LINGO1: variants seen among roughly 807,000 people sequenced by gnomAD.
The protein encoded by LINGO1 is leucine rich repeat and Ig domain containing 1, also known as leucine-rich repeat and immunoglobulin-like domain-containing nogo receptor-interacting protein 1.
LINGO1 carries 11 observed loss-of-function variants against 37.3 expected under a neutral mutation model. That is an observed-to-expected ratio of 0.29 (90% CI 0.19 to 0.49). The LOEUF is 0.49. Ranked by LOEUF, LINGO1 falls within the 20% of genes least tolerant of loss-of-function variation. The pLI is 0.99. For synonymous variants in LINGO1, 387 were observed against 403.0 expected (o/e 0.96, Z 0.48); for missense variants, 585 against 878.2 (o/e 0.67, Z 4.22).
intron 1 of LINGO1, among the ~76,000 whole-genome samples, chr15:77,751,110 C>T (rs549008522): frequency 2.0e-4 from 30 of 152,286 alleles, no homozygotes; most frequent in Admixed American, 1.5e-3. Flanking sequence ...GGCACACCAC[C>T]GTGATTGTCA....
At chr15:77,686,657 G>A (rs980742608) in intron 2 of LINGO1, among the ~76,000 whole-genome samples, 2 of 152,180 alleles carry the variant, frequency 1.3e-5, no homozygotes, top group African/African-American at 4.8e-5. Flanking sequence ...TATGCTGGGA[G>A]AACACTTACC....
intron 1 of LINGO1, among the ~76,000 whole-genome samples, chr15:77,618,327 ACCAGT>A (rs1246439371): frequency 6.6e-6 from 1 of 152,142 alleles, no homozygotes; most frequent in East Asian, 1.9e-4. Context: ...CTCTTTTCCC[ACCAGT>A]CCCTGAGCAA....
rs527307736 is a variant in LINGO1 at position 77,725,175 on chromosome 15, A to G, written c.-195+9817T>C. On this transcript the variant is annotated intron_variant, in intron 2 of 3. Transcript: ENST00000561686. Reference sequence around the variant, plus strand: ...CTTTCTGCCCCAGGACCTGAGAAGGACAGAAAGCCCTGAACGGGGAATTCA... The same window carrying G: ...CTTTCTGCCCCAGGACCTGAGAAGGGCAGAAAGCCCTGAACGGGGAATTCA... Among the ~76,000 whole-genome samples, 4 of 152,332 alleles carry G rather than the reference A, an allele frequency of 2.6e-5. No homozygotes were observed. In the South Asian group the frequency reaches 8.3e-4, roughly 32 times the overall value.
At chr15:77,745,539 C>T (rs2076305867) in intron 1 of LINGO1, among the ~76,000 whole-genome samples, 1 of 152,156 alleles carries the variant, frequency 6.6e-6, no homozygotes, top group Admixed American at 6.5e-5. Flanking sequence ...GCCCACTGAG[C>T]GTGAGCTTCT....
At chr15:77,812,238 G>A (rs2077011672) in intron 1 of LINGO1, among the ~76,000 whole-genome samples, 1 of 152,238 alleles carries the variant, frequency 6.6e-6, no homozygotes, top group Non-Finnish European at 1.5e-5. Context: ...GCCCTCTGCA[G>A]AGCAGCCCAG....
chr15:77,664,332 C>A (rs1449311036), intron 3 of LINGO1, among the ~76,000 whole-genome samples: 1 of 151,962 alleles, frequency 6.6e-6, no homozygotes. Context: ...GTGAAAGTCC[C>A]TGGATGCTGG....
chr15:77,684,896 C>T (rs970967836), intron 2 of LINGO1, among the ~76,000 whole-genome samples: 1 of 152,102 alleles, frequency 6.6e-6, no homozygotes, highest in East Asian at 1.9e-4. Context: ...CAGAAGCCTA[C>T]AAGGGGCTGG....
rs1596258607 is a variant in LINGO1, at chr15:77,818,959, C to T, written c.-458+1299G>A. Among the ~76,000 whole-genome samples the T allele has an allele frequency of 2.0e-5, 3 of 151,912 alleles. 1 individual carries two copies. On this transcript the variant is annotated intron_variant, in intron 1 of 5. Transcript: ENST00000562933. ...CGGAGTTGCACCCTCAAAGCGCCTC[C>T]GTCCCCACCCCTCCCGGCCCGCCGC... is the stretch of plus-strand genomic sequence containing the variant.
intron 1 of LINGO1, among the ~76,000 whole-genome samples, chr15:77,815,979 C>T (rs975993812): frequency 6.6e-6 from 1 of 152,150 alleles, no homozygotes; most frequent in African/African-American, 2.4e-5. Context: ...TTGCCAGTGC[C>T]GTGCCATCTT....
intron 2 of LINGO1, among the ~76,000 whole-genome samples, chr15:77,727,703 G>A (rs2076116187): frequency 6.6e-6 from 1 of 151,006 alleles, no homozygotes; most frequent in Non-Finnish European, 1.5e-5. Flanking sequence ...ACTTATACAT[G>A]GCTAAGATGA....
At chr15:77,710,037 A>G (rs2075899421) in intron 2 of LINGO1, among the ~76,000 whole-genome samples, 2 of 152,220 alleles carry the variant, frequency 1.3e-5, no homozygotes, top group African/African-American at 4.8e-5. Context: ...GGAGCAGAGA[A>G]GAGGAGTCCC....
intron 1 of LINGO1, among the ~76,000 whole-genome samples, chr15:77,781,074 C>A (rs915947911): frequency 6.6e-6 from 1 of 152,270 alleles, no homozygotes; most frequent in Non-Finnish European, 1.5e-5. Flanking sequence ...GGCCAAGGCC[C>A]ATCCTTCAGC....
chr15:77,712,317 C>T (rs2075928030), intron 2 of LINGO1, among the ~76,000 whole-genome samples: 1 of 152,166 alleles, frequency 6.6e-6, no homozygotes, highest in South Asian at 2.1e-4. Context: ...CTTCGCACCT[C>T]ACCTTCCATC....
At chr15:77,704,515 T>A (rs1203160912) in intron 2 of LINGO1, among the ~76,000 whole-genome samples, 1 of 148,522 alleles carries the variant, frequency 6.7e-6, no homozygotes, top group East Asian at 2.0e-4. Context: ...CTGACACTGA[T>A]CACACGCTGA....
intron 1 of LINGO1, among the ~76,000 whole-genome samples, chr15:77,626,098 A>T (rs896583775): frequency 6.6e-6 from 1 of 152,132 alleles, no homozygotes; most frequent in African/African-American, 2.4e-5. Flanking sequence ...ACCCTCACAC[A>T]GATGAGGAAA....
chr15:77,733,977 TAC>T (rs2076178266), intron 2 of LINGO1, among the ~76,000 whole-genome samples: 1 of 152,230 alleles, frequency 6.6e-6, no homozygotes. Flanking sequence ...CTTGGCCTTC[TAC>T]ACACGACACA....
intron 3 of LINGO1, among the ~76,000 whole-genome samples, chr15:77,658,550 A>G (rs2141160883): frequency 6.6e-6 from 1 of 152,366 alleles, no homozygotes; most frequent in East Asian, 1.9e-4. Context: ...GCAAGTAATA[A>G]CAGACTGACA....
At chr15:77,755,316 G>A (rs888011132) in intron 1 of LINGO1, among the ~76,000 whole-genome samples, 2 of 152,230 alleles carry the variant, frequency 1.3e-5, no homozygotes, top group Non-Finnish European at 2.9e-5. Context: ...AGGGAACTCT[G>A]GGGTCAACAG....
chr15:77,711,171 C>T (rs1315630608), intron 2 of LINGO1, among the ~76,000 whole-genome samples: 1 of 152,238 alleles, frequency 6.6e-6, no homozygotes, highest in African/African-American at 2.4e-5. Flanking sequence ...CCACCACAGT[C>T]CCTGGATCTT....
Sources: gnomAD v4.1 joint callset for allele counts (sites outside exome capture counted in the v4.1 genomes callset) on GRCh38, gnomAD v4.1.1 for gene constraint, MANE v1.5 for transcripts, NCBI Gene and HGNC (gene_info 2026-07-23, HGNC 2026-07-21) for gene names.